LSM12: variants seen among roughly 807,000 people sequenced by gnomAD.
LSM12 encodes the protein LSM12 homolog.
For synonymous variants in LSM12, 74 were observed against 87.3 expected (o/e 0.85, Z 0.85); for missense variants, 108 against 238.9 (o/e 0.45, Z 3.61).
intron 2 of LSM12, 74 bp from the exon 3 acceptor site, chr17:44,040,330 G>C (rs1412979537): frequency 3.7e-6 from 4 of 1,091,426 alleles, no homozygotes; most frequent in Non-Finnish European, 5.5e-6. Context: ...GACCTAAGCT[G>C]AAGAAAGGAG....
intron 4 of LSM12, chr17:44,036,803 T>C (rs1298971516): frequency 1.3e-5 from 2 of 158,946 alleles, no homozygotes; most frequent in Admixed American, 1.2e-4. Flanking sequence ...CAGATCTTTC[T>C]AGAATGGTAC....
upstream of LSM12, among the ~76,000 whole-genome samples, chr17:44,067,103 C>T (rs1033303765): frequency 2.1e-4 from 32 of 152,092 alleles, no homozygotes; most frequent in African/African-American, 4.6e-4. Context: ...GGTTCGAGAC[C>T]AGCCTGGCCA....
rs146221992 is a variant in LSM12, at chr17:44,046,808, G to A, written c.259-6552C>T. ...TGCAATGGCGCGATCTTGGCTCACT[G>A]CAACCTCCGCCTCTGGGGTTCAAGT... is the stretch of plus-strand genomic sequence containing the variant. On this transcript the variant is annotated intron_variant, in intron 2 of 4. Transcript: ENST00000293406. 6.1e-3 allele frequency among the ~76,000 whole-genome samples: 713 copies of A among 117,256 alleles called. 8 individuals are homozygous for A. Among genetic ancestry groups the A allele is most frequent in the African/African-American group, 0.022 (667 of 30,254 alleles). 76.9% of individuals were successfully genotyped at this position (117,256 alleles called of 152,430 possible). A position where few individuals can be genotyped will look rare whatever the true frequency, so the allele number is the denominator to read the frequency against.
chr17:44,064,996 G>A (rs771748074), intron 1 of LSM12, among the ~76,000 whole-genome samples: 73 of 151,922 alleles, frequency 4.8e-4, no homozygotes, highest in Admixed American at 5.2e-4. Flanking sequence ...AGCCGGGCAC[G>A]GTGGCGTATG....
chr17:44,057,532 TGGGC>T (rs2049733509), intron 2 of LSM12, among the ~76,000 whole-genome samples: 1 of 149,482 alleles, frequency 6.7e-6, no homozygotes, highest in Non-Finnish European at 1.5e-5. Context: ...GAGGCGGAGG[TGGGC>T]GGATCATGAG....
upstream of LSM12, chr17:44,066,810 T>C (rs146966895): frequency 1.1e-3 from 478 of 431,298 alleles, no homozygotes; most frequent in Non-Finnish European, 1.4e-3. Flanking sequence ...CTCGGTTAAG[T>C]GCTTGTAGAG....
chr17:44,042,710 G>A (rs228751), intron 2 of LSM12, among the ~76,000 whole-genome samples: 61,314 of 151,898 alleles, frequency 0.4, 14,327 homozygotes, highest in Middle Eastern at 0.59. Context: ...GACTACAGGC[G>A]CCTGCCACCA....
intron 2 of LSM12, among the ~76,000 whole-genome samples, chr17:44,058,705 G>A (rs1381603374): frequency 1.3e-5 from 2 of 152,202 alleles, no homozygotes; most frequent in Middle Eastern, 3.4e-3. Flanking sequence ...GGTGGCGCAC[G>A]CCTGTAATCC....
At chr17:44,045,175 C>T (rs2049545617) in intron 2 of LSM12, among the ~76,000 whole-genome samples, 1 of 151,856 alleles carries the variant, frequency 6.6e-6, no homozygotes, top group East Asian at 1.9e-4. Flanking sequence ...TTACAGGTGC[C>T]CACCACCACG....
At chr17:44,047,918 T>C (rs2049590923) in intron 2 of LSM12, among the ~76,000 whole-genome samples, 1 of 151,378 alleles carries the variant, frequency 6.6e-6, no homozygotes, top group African/African-American at 2.4e-5. Flanking sequence ...GCGTGGTCAC[T>C]CACACCTGTA....
At chr17:44,066,748 AAAG>A (rs2049886378), upstream of LSM12, 1 of 888,740 alleles carries the variant, frequency 1.1e-6, no homozygotes, top group Non-Finnish European at 1.5e-6. Flanking sequence ...GTGGAGTGGG[AAAG>A]AAGAGGAAAT....
Position 44,045,597 on chromosome 17 carries a change from GTC to G in LSM12, c.259-5343_259-5342del, listed in dbSNP as rs1392136017. On this transcript the variant is annotated intron_variant, in intron 2 of 4. Coordinates refer to ENST00000293406, the MANE Select transcript of LSM12 (RefSeq NM_001371445.1). ...TGTTTTTTGTGTTTTCTGAAACAGA[GTC>G]TCACTCTATCACCCAGGCTGGAATG... Among the ~76,000 whole-genome samples the G allele has an allele frequency of 5.7e-4, 87 of 152,180 alleles. 1 individual carries two copies. The highest frequency in any genetic ancestry group is 2.0e-3 in the African/African-American group (84 of 41,508).
At chr17:44,059,434 G>A (rs905195428) in intron 2 of LSM12, among the ~76,000 whole-genome samples, 7 of 151,838 alleles carry the variant, frequency 4.6e-5, no homozygotes, top group Admixed American at 3.3e-4. Context: ...ACTAAAAATA[G>A]AAAAATTAGC....
chr17:44,056,527 C>G (rs1248016198), intron 2 of LSM12, among the ~76,000 whole-genome samples: 4 of 151,742 alleles, frequency 2.6e-5, no homozygotes, highest in Admixed American at 1.3e-4. Context: ...GAGGGTAAGG[C>G]AGAAGGACTG....
chr17:44,065,439 TAAAAA>T (rs35086714), intron 1 of LSM12, among the ~76,000 whole-genome samples: 3 of 113,578 alleles, frequency 2.6e-5, no homozygotes, highest in Admixed American at 9.4e-5. Flanking sequence ...GACTCCATCT[TAAAAA>T]AAAAAAAAAA....
At chr17:44,060,969 TATC>T (rs1041883265) in intron 2 of LSM12, among the ~76,000 whole-genome samples, 8 of 152,164 alleles carry the variant, frequency 5.3e-5, no homozygotes, top group Admixed American at 1.3e-4. Flanking sequence ...GTGACAGACT[TATC>T]ATACCCTATA....
chr17:44,037,271 AG>A, intron 4 of LSM12, 140 bp downstream of exon 4: 1 of 1,019,696 alleles, frequency 9.8e-7, no homozygotes, highest in Admixed American at 2.8e-5. Context: ...CCCACAGTAC[AG>A]GGAAGGCAGG....
intron 2 of LSM12, among the ~76,000 whole-genome samples, chr17:44,059,108 G>A (rs1017789347): frequency 6.6e-6 from 1 of 152,122 alleles, no homozygotes; most frequent in Non-Finnish European, 1.5e-5. Flanking sequence ...GTTCGAAGCT[G>A]CAGTGAGTTA....
chr17:44,049,609 T>C (rs1001475653), intron 2 of LSM12, among the ~76,000 whole-genome samples: 3 of 152,122 alleles, frequency 2.0e-5, no homozygotes, highest in Admixed American at 6.6e-5. Context: ...CAAGGACACA[T>C]ATCTTGTCTG....
Sources: gnomAD v4.1 joint callset for allele counts (sites outside exome capture counted in the v4.1 genomes callset) on GRCh38, gnomAD v4.1.1 for gene constraint, MANE v1.5 for transcripts, NCBI Gene and HGNC (gene_info 2026-07-23, HGNC 2026-07-21) for gene names.